CDH13: variants seen among roughly 807,000 people sequenced by gnomAD.
CDH13 encodes the protein cadherin-13.
A neutral mutation model predicts 63.8 loss-of-function variants in CDH13; 24 were observed. That is an observed-to-expected ratio of 0.38 (90% CI 0.27 to 0.53). The LOEUF is 0.53. CDH13 is among the 20% of genes least tolerant of loss of function. CDH13 has a pLI of 0.85. For synonymous variants in CDH13, 503 were observed against 355.3 expected (o/e 1.42, Z -4.67); for missense variants, 1,049 against 903.1 (o/e 1.16, Z -2.07).
intron 4 of CDH13, among the ~76,000 whole-genome samples, chr16:83,141,288 C>CG (rs2036518710): frequency 6.6e-6 from 1 of 152,112 alleles, no homozygotes; most frequent in East Asian, 1.9e-4. Context: ...CTCTGGTGCC[C>CG]TTTTGCCTAC....
At chr16:83,699,241 T>C (rs140200356) in intron 10 of CDH13, among the ~76,000 whole-genome samples, 1 of 152,370 alleles carries the variant, frequency 6.6e-6, no homozygotes, top group East Asian at 1.9e-4. Flanking sequence ...TTCTGCCTCC[T>C]GTTGCCAATA....
At chr16:83,312,086 A>AAG (rs397804251) in intron 5 of CDH13, among the ~76,000 whole-genome samples, 36 of 150,632 alleles carry the variant, frequency 2.4e-4, no homozygotes, top group Middle Eastern at 6.8e-3. Context: ...AAAAAAAAAA[A>AAG]GAATCTTGGG....
At chr16:83,191,400 A>G (rs534722170) in intron 4 of CDH13, among the ~76,000 whole-genome samples, 8 of 145,416 alleles carry the variant, frequency 5.5e-5, no homozygotes, top group African/African-American at 1.5e-4. Flanking sequence ...CAAATAAATT[A>G]GAGTTTATTT....
intron 7 of CDH13, among the ~76,000 whole-genome samples, chr16:83,488,062 A>G (rs2073932513): frequency 6.6e-6 from 1 of 152,228 alleles, no homozygotes; most frequent in South Asian, 2.1e-4. Flanking sequence ...TGAATTGTCC[A>G]GTAGAGTAAC....
chr16:83,699,851 G>A (rs919996200), intron 10 of CDH13, among the ~76,000 whole-genome samples: 28 of 152,098 alleles, frequency 1.8e-4, no homozygotes, highest in African/African-American at 6.8e-4. Context: ...ATCCCAGCAT[G>A]TACCCAGCCT....
At chr16:82,687,201 T>G (rs1483510198) in intron 1 of CDH13, among the ~76,000 whole-genome samples, 1 of 152,164 alleles carries the variant, frequency 6.6e-6, no homozygotes, top group Non-Finnish European at 1.5e-5. Flanking sequence ...GAAAGGTCAG[T>G]GCCTGTGAAC....
At chr16:82,791,865 T>A (rs1432187830) in intron 1 of CDH13, among the ~76,000 whole-genome samples, 1 of 152,180 alleles carries the variant, frequency 6.6e-6, no homozygotes, top group Non-Finnish European at 1.5e-5. Flanking sequence ...AAGGTTCCAT[T>A]CCCTGGAATT....
At chr16:83,349,256 C>T (rs117950193) in intron 6 of CDH13, among the ~76,000 whole-genome samples, 5,553 of 152,298 alleles carry the variant, frequency 0.036, 141 homozygotes, top group Middle Eastern at 0.075. Context: ...GCATACAGAT[C>T]TCTGTGTGAG....
chr16:83,514,567 C>CT lies in CDH13; in HGVS notation c.960+27912_960+27913insT, dbSNP rs1487987682. Among the ~76,000 whole-genome samples, 6 of 152,160 alleles carry CT rather than the reference C, an allele frequency of 3.9e-5. No homozygotes were observed. The East Asian group carries it at 1.2e-3, about 29-fold the overall frequency. ...GGCTGAGGCATGGGAATTGCTTGAA[C>CT]CTGGGAGGTGGAGGTTGCAGTAAGC... On this transcript the variant is annotated intron_variant, in intron 7 of 13. Transcript: ENST00000567109.
At chr16:83,667,204 C>G (rs951922533) in intron 8 of CDH13, among the ~76,000 whole-genome samples, 4 of 152,132 alleles carry the variant, frequency 2.6e-5, no homozygotes, top group African/African-American at 9.7e-5. Flanking sequence ...CAATGCACAT[C>G]TCTGAGAATT....
chr16:83,568,445 A>G (rs1470574175), intron 7 of CDH13, among the ~76,000 whole-genome samples: 3 of 152,226 alleles, frequency 2.0e-5, no homozygotes, highest in African/African-American at 4.8e-5. Flanking sequence ...GTTTCTGAGC[A>G]TAATGAATGT....
intron 1 of CDH13, among the ~76,000 whole-genome samples, chr16:82,733,085 C>T (rs943283241): frequency 6.6e-6 from 1 of 152,184 alleles, no homozygotes; most frequent in African/African-American, 2.4e-5. Context: ...TTGTGCCTAT[C>T]GATTGTGACA....
intron 6 of CDH13, among the ~76,000 whole-genome samples, chr16:83,447,069 A>C (rs559803590): frequency 0.051 from 6,870 of 133,846 alleles, 733 homozygotes; most frequent in African/African-American, 0.18. Context: ...AAAAAAAAAA[A>C]AAAAACAAAA....
intron 4 of CDH13, among the ~76,000 whole-genome samples, chr16:83,138,506 T>C (rs1317044178): frequency 1.3e-5 from 2 of 152,162 alleles, no homozygotes; most frequent in East Asian, 1.9e-4. Flanking sequence ...TGATCCAGTA[T>C]CTACGGGCGA....
At chr16:83,316,936 C>T (rs1425610731) in intron 5 of CDH13, among the ~76,000 whole-genome samples, 2 of 152,182 alleles carry the variant, frequency 1.3e-5, no homozygotes, top group Non-Finnish European at 1.5e-5. Context: ...TCCACGGCTT[C>T]GCCTTTCTTC....
intron 4 of CDH13, among the ~76,000 whole-genome samples, chr16:83,208,082 C>G (rs1358622038): frequency 6.6e-6 from 1 of 152,094 alleles, no homozygotes; most frequent in African/African-American, 2.4e-5. Context: ...TCCATTTGAC[C>G]TTGGTGATGA....
intron 5 of CDH13, among the ~76,000 whole-genome samples, chr16:83,313,139 CT>C (rs1184412469): frequency 9.8e-5 from 15 of 152,286 alleles, no homozygotes; most frequent in Admixed American, 4.6e-4. Context: ...GTTTTAAACA[CT>C]TGTAAAAATC....
At chr16:82,970,871 A>G (rs1908638777) in intron 2 of CDH13, among the ~76,000 whole-genome samples, 1 of 152,236 alleles carries the variant, frequency 6.6e-6, no homozygotes, top group Non-Finnish European at 1.5e-5. Context: ...TTATTGCAAG[A>G]GCACTTTTTT....
chr16:83,461,884 A>C (rs1400385102), intron 6 of CDH13, among the ~76,000 whole-genome samples: 2 of 152,214 alleles, frequency 1.3e-5, no homozygotes, highest in Admixed American at 1.3e-4. Context: ...AAAGCCAAAC[A>C]TACCCCAGAA....
Sources: gnomAD v4.1 joint callset for allele counts (sites outside exome capture counted in the v4.1 genomes callset) on GRCh38, gnomAD v4.1.1 for gene constraint, MANE v1.5 for transcripts, NCBI Gene and HGNC (gene_info 2026-07-23, HGNC 2026-07-21) for gene names.